The following NUP210 variants were observed in gnomAD, a reference collection of about 807,000 sequenced individuals.
NUP210 encodes nuclear pore membrane glycoprotein 210.
In NUP210, 151 loss-of-function variants were observed where a neutral mutation model predicts 196.0. The observed-to-expected ratio is 0.77, with a 90% CI of 0.67 to 0.88. NUP210 has a LOEUF of 0.88. NUP210 is among the 40% of genes least tolerant of loss of function. NUP210 has a pLI of 0.00. For missense variants in NUP210, 2,314 were observed against 2,493.7 expected, an observed-to-expected ratio of 0.93 and a Z score of 1.53; for synonymous variants, 1,070 against 1,052.7, an observed-to-expected ratio of 1.02 and a Z score of -0.32.
intron 4 of NUP210, 149 bp downstream of exon 4, chr3:13,391,062 A>G: frequency 4.7e-6 from 3 of 633,512 alleles, no homozygotes; most frequent in Admixed American, 4.7e-5. Flanking sequence ...CCATTCCTCA[A>G]TCAGACACTC....
intron 1 of NUP210, among the ~76,000 whole-genome samples, chr3:13,418,691 G>C (rs1054682917): frequency 2.0e-5 from 3 of 152,054 alleles, no homozygotes; most frequent in African/African-American, 7.2e-5. Flanking sequence ...GGGAGGCTGA[G>C]GCAGGAGAAT....
chr3:13,340,408 A>G lies in NUP210; in HGVS notation c.3229-110T>C, dbSNP rs536653199. 1 of 955,288 alleles carries G rather than the reference A, an allele frequency of 1.0e-6. No homozygotes were observed. The highest frequency in any genetic ancestry group is 2.6e-5 in the East Asian group (1 of 38,282). 59.2% of individuals were successfully genotyped at this position (955,288 alleles called of 1,614,324 possible). ...GAGGAAAACCTGGGACATGGACATCACTTCTCTCTGAGCAGTGACCAGAGG... is the reference window on the plus strand; with the variant it reads ...GAGGAAAACCTGGGACATGGACATCGCTTCTCTCTGAGCAGTGACCAGAGG... On this transcript the variant is annotated intron_variant, in intron 23 of 39. Coordinates refer to ENST00000254508, the MANE Select transcript of NUP210 (RefSeq NM_024923.4). The surrounding 1 kb of genome is among the most constrained non-coding windows in gnomAD (Gnocchi z 4.0).
At position 13,336,900 on chromosome 3, in the gene NUP210, C is replaced by T. The variant is rs778485061; in HGVS notation, c.3571G>A (p.Gly1191Ser). The T allele has an allele frequency of 1.5e-5, 24 of 1,613,542 alleles. No homozygotes were observed. The highest frequency in any genetic ancestry group is 3.3e-5 in the South Asian group (3 of 91,046). The part of the protein sequence containing the change: ...TGTQMPIYVT[G>S]ITNHQNPFSF... ...AAAGGGTTCTGGTGGTTGGTGATGC[C>T]GGTGACATAGATGGGCATCTGCAGG... The change falls in exon 27 of 40, where the codon GGC becomes AGC. Residue 1191 changes from glycine to serine, a missense_variant. Transcript: ENST00000254508.
rs901471828 is a variant in NUP210 at position 13,328,766 on chromosome 3, C to T, written c.4286+5G>A. On this transcript the variant is annotated splice_donor_5th_base_variant and intron_variant, in intron 31 of 39. Coordinates refer to ENST00000254508, the MANE Select transcript of NUP210 (RefSeq NM_024923.4). ...TAGGAGAAATGACCCTTGCCCACAT[C>T]CTACCTGTTAGTGGCAAAGTTGAGG... 3.1e-6 allele frequency: 5 copies of T among 1,613,662 alleles called. No homozygotes were observed. The East Asian group carries it at 1.1e-4, about 36-fold the overall frequency.
At chr3:13,371,684 T>C (rs1224846528) in intron 13 of NUP210, 150 bp downstream of exon 13, 1 of 715,798 alleles carries the variant, frequency 1.4e-6, no homozygotes, top group Non-Finnish European at 2.4e-6. Flanking sequence ...AGGAACAGAC[T>C]GTGGATCAGG....
chr3:13,348,773 C>T lies in NUP210; in HGVS notation c.2835+3106G>A. On this transcript the variant is annotated intron_variant, in intron 20 of 39. Transcript: ENST00000254508. The surrounding 1 kb of genome is among the most constrained non-coding windows in gnomAD (Gnocchi z 4.0). Reference sequence around the variant, plus strand: ...TCTGAGAAGAACAGGAACAGTGGGACTCCCTCCCCCTCCTTGAGGCACGGC... The same window carrying T: ...TCTGAGAAGAACAGGAACAGTGGGATTCCCTCCCCCTCCTTGAGGCACGGC... The T allele has an allele frequency of 1.9e-5, 19 of 985,378 alleles. No individual in the cohort carries two copies. Among genetic ancestry groups the T allele is most frequent in the Non-Finnish European group, 2.3e-5 (19 of 829,924 alleles). The allele number at this position is 985,378 out of a possible 1,614,324, so 61.0% of individuals were successfully genotyped here. A position where few individuals can be genotyped will look rare whatever the true frequency, so the allele number is the denominator to read the frequency against.
intron 21 of NUP210, 66 bp downstream of exon 21, chr3:13,343,109 A>G (rs1697579497): frequency 6.3e-7 from 1 of 1,589,884 alleles, no homozygotes; most frequent in Non-Finnish European, 8.6e-7. Flanking sequence ...CATTCCTCCC[A>G]CAGTCCCCTC....
chr3:13,384,146 A>C (rs1216811310), intron 6 of NUP210, among the ~76,000 whole-genome samples: 1 of 151,866 alleles, frequency 6.6e-6, no homozygotes, highest in Non-Finnish European at 1.5e-5. Flanking sequence ...TATTTTTAGT[A>C]GAGGCGGGGT....
chr3:13,380,937 A>T lies in NUP210; in HGVS notation c.818-1216T>A, dbSNP rs1447480939. Among the ~76,000 whole-genome samples the T allele has an allele frequency of 4.6e-5, 7 of 152,238 alleles. No individual in the cohort carries two copies. The East Asian group carries it at 1.3e-3, about 29-fold the overall frequency. On this transcript the variant is annotated intron_variant, in intron 6 of 39. Coordinates refer to ENST00000254508, the MANE Select transcript of NUP210 (RefSeq NM_024923.4). ...AAAGTGTGGTCCCTGAACCATCAAC[A>T]TCACCTGGAACTGCAAATGATGGGC...
intron 29 of NUP210, among the ~76,000 whole-genome samples, 198 bp downstream of exon 29, chr3:13,332,095 C>G (rs1319116539): frequency 4.6e-5 from 7 of 152,040 alleles, no homozygotes; most frequent in African/African-American, 1.7e-4. Flanking sequence ...AAAAGAGACC[C>G]ACAGTGAGAA....
At chr3:13,360,211 A>G in intron 15 of NUP210, 59 bp downstream of exon 15, 2 of 1,377,672 alleles carry the variant, frequency 1.5e-6, no homozygotes, top group Non-Finnish European at 2.1e-6. Flanking sequence ...CAATACTGAG[A>G]GAGTCATTTT....
At chr3:13,394,304 CG>C (rs1024030900) in intron 3 of NUP210, among the ~76,000 whole-genome samples, 1 of 152,164 alleles carries the variant, frequency 6.6e-6, no homozygotes, top group Non-Finnish European at 1.5e-5. Flanking sequence ...GCAAGAGGCA[CG>C]GGTGGGCCAG....
intron 36 of NUP210, 119 bp downstream of exon 36, chr3:13,321,466 G>A: frequency 8.9e-7 from 1 of 1,125,472 alleles, no homozygotes; most frequent in Non-Finnish European, 1.3e-6. Context: ...AATTCTAATT[G>A]TAAAAATAAA....
intron 13 of NUP210, among the ~76,000 whole-genome samples, chr3:13,367,081 G>A (rs957571612): frequency 1.3e-5 from 2 of 151,680 alleles, no homozygotes; most frequent in Admixed American, 1.3e-4. Context: ...AGCCGAAATC[G>A]CACCATTGCA....
At chr3:13,368,408 A>G (rs954977196) in intron 13 of NUP210, among the ~76,000 whole-genome samples, 2 of 152,248 alleles carry the variant, frequency 1.3e-5, no homozygotes, top group African/African-American at 4.8e-5. Flanking sequence ...AGTTTTAAAA[A>G]AATTCTGATA....
Position 13,327,545 on chromosome 3 carries a change from C to T in NUP210, c.4287-108G>A, listed in dbSNP as rs191964689. 16 of 838,152 alleles carry T rather than the reference C, an allele frequency of 1.9e-5. No homozygotes were observed. In the Admixed American group the frequency reaches 3.7e-4, roughly 19 times the overall value. The allele number at this position is 838,152 out of a possible 1,614,324, so 51.9% of individuals were successfully genotyped here. ...TCTGCTGAGCAAAGCATTCAACTGA[C>T]TGAGGTCCCAGGTGTGGCCCCAACT... is the stretch of plus-strand genomic sequence containing the variant. On this transcript the variant is annotated intron_variant, in intron 31 of 39. Transcript: ENST00000254508.
At chr3:13,397,612 C>A in intron 2 of NUP210, 124 bp from the exon 3 acceptor site, 1 of 1,019,496 alleles carries the variant, frequency 9.8e-7, no homozygotes, top group Non-Finnish European at 1.3e-6. Flanking sequence ...CCTCAGAAGC[C>A]AAGCAGCTGC....
At chr3:13,336,417 C>A (rs1697217591) in intron 27 of NUP210, among the ~76,000 whole-genome samples, 1 of 152,160 alleles carries the variant, frequency 6.6e-6, no homozygotes, top group African/African-American at 2.4e-5. Context: ...TTAGGAGAAG[C>A]CAGGGCCCCT....
Position 13,375,538 on chromosome 3 carries a change from T to A in NUP210, c.1397A>T (p.Gln466Leu). The part of the protein sequence containing the change: ...LYPSILTFPW[Q>L]PKTGAYQYTI... ...GTACTGATAGGCGCCCGTCTTTGGT[T>A]GCCACGGAAATGTCAAGATGCTGGG... Residue 466 changes from glutamine to leucine, a missense_variant, in exon 11 of 40, where the codon CAA becomes CTA. Physicochemically the swap from Gln to Leu is moderately radical, Grantham distance 113 (BLOSUM62 -2). Transcript: ENST00000254508. 6.2e-7 allele frequency: 1 copy of A among 1,614,098 alleles called. No individual in the cohort carries two copies. Among genetic ancestry groups the A allele is most frequent in the Non-Finnish European group, 8.5e-7 (1 of 1,179,988 alleles).
Sources: allele counts gnomAD v4.1 joint callset (sites outside exome capture counted in the v4.1 genomes callset), GRCh38; gene constraint gnomAD v4.1.1; non-coding constraint Gnocchi (gnomAD v3.1); transcripts MANE v1.5; gene names NCBI Gene and HGNC (gene_info 2026-07-23, HGNC 2026-07-21).